The following LRRC4C variants were observed in gnomAD, a reference collection of about 807,000 sequenced individuals.
The protein encoded by LRRC4C is leucine rich repeat containing 4C.
A neutral mutation model predicts 33.6 loss-of-function variants in LRRC4C; 5 were observed. That is an observed-to-expected ratio of 0.15 (90% confidence interval 0.08 to 0.31). The LOEUF (loss-of-function observed/expected upper bound fraction) is 0.31. Ranked by LOEUF, LRRC4C falls within the 10% of genes least tolerant of loss-of-function variation. The pLI, the probability that LRRC4C is intolerant of heterozygous loss-of-function variation, is 1.00. For missense variants in LRRC4C, 560 were observed against 796.7 expected (o/e 0.70, Z 3.58); for synonymous variants, 329 against 302.0 (o/e 1.09, Z -0.93).
chr11:40,483,451 C>T (rs1478505170), intron 3 of LRRC4C, among the ~76,000 whole-genome samples: 4 of 151,886 alleles, frequency 2.6e-5, no homozygotes, highest in Non-Finnish European at 5.9e-5. Context: ...TAATGTGAGC[C>T]GTGGTTTAAA....
chr11:40,703,337 T>A (rs1945974833), intron 2 of LRRC4C, among the ~76,000 whole-genome samples: 1 of 152,120 alleles, frequency 6.6e-6, no homozygotes, highest in Non-Finnish European at 1.5e-5. Flanking sequence ...GCCGTGAAAT[T>A]TTTCCATCTA....
intron 1 of LRRC4C, among the ~76,000 whole-genome samples, chr11:41,337,387 A>G (rs116830606): frequency 0.019 from 2,924 of 151,434 alleles, 91 homozygotes; most frequent in African/African-American, 0.068. Flanking sequence ...ACTGATTAGC[A>G]TCTAAATGCT....
At chr11:40,662,730 G>T (rs1386601469) in intron 2 of LRRC4C, among the ~76,000 whole-genome samples, 1 of 152,192 alleles carries the variant, frequency 6.6e-6, no homozygotes, top group African/African-American at 2.4e-5. Flanking sequence ...TCCTAGTTCT[G>T]TCATTTAATA....
At chr11:41,362,838 A>G (rs1378059779) in intron 1 of LRRC4C, among the ~76,000 whole-genome samples, 1 of 151,852 alleles carries the variant, frequency 6.6e-6, no homozygotes, top group African/African-American at 2.4e-5. Flanking sequence ...CACAGCCAGC[A>G]GTATAAAATC....
chr11:40,197,581 C>A (rs1168530638), intron 5 of LRRC4C, among the ~76,000 whole-genome samples: 1 of 152,186 alleles, frequency 6.6e-6, no homozygotes, highest in African/African-American at 2.4e-5. Flanking sequence ...TTGAGTCACA[C>A]AAATTCATGC....
chr11:40,568,678 A>C (rs1415649446), intron 3 of LRRC4C, among the ~76,000 whole-genome samples: 1 of 152,182 alleles, frequency 6.6e-6, no homozygotes, highest in Non-Finnish European at 1.5e-5. Flanking sequence ...GCACACAGCC[A>C]GGAGAAATTA....
chr11:41,323,752 C>G (rs957957946), intron 1 of LRRC4C, among the ~76,000 whole-genome samples: 3 of 151,946 alleles, frequency 2.0e-5, no homozygotes, highest in Non-Finnish European at 4.4e-5. Context: ...TGGTGTATGA[C>G]TCAAAAGAAA....
intron 2 of LRRC4C, among the ~76,000 whole-genome samples, chr11:40,722,114 G>A (rs369979436): frequency 2.6e-5 from 4 of 152,122 alleles, no homozygotes; most frequent in African/African-American, 7.2e-5. Flanking sequence ...AATTGCTAGC[G>A]CTTCTATTTC....
At chr11:40,583,369 G>A (rs141858293) in intron 3 of LRRC4C, among the ~76,000 whole-genome samples, 2 of 152,292 alleles carry the variant, frequency 1.3e-5, no homozygotes, top group East Asian at 1.9e-4. Context: ...ATGGGCTGCA[G>A]AAGGAAGAAA....
chr11:40,163,550 GTGTATA>G (rs1438873559), intron 5 of LRRC4C, among the ~76,000 whole-genome samples: 2 of 152,104 alleles, frequency 1.3e-5, no homozygotes, highest in South Asian at 2.1e-4. Flanking sequence ...ATATATATTT[GTGTATA>G]TGTATGAGTA....
intron 3 of LRRC4C, among the ~76,000 whole-genome samples, chr11:40,616,491 CAA>C (rs1961848014): frequency 6.6e-6 from 1 of 151,600 alleles, no homozygotes; most frequent in South Asian, 2.1e-4. Flanking sequence ...TTCACAATAG[CAA>C]AGACTTGGAA....
chr11:41,128,611 T>C (rs1942861727), intron 1 of LRRC4C, among the ~76,000 whole-genome samples: 1 of 152,100 alleles, frequency 6.6e-6, no homozygotes, highest in South Asian at 2.1e-4. Context: ...GATTGTTTAA[T>C]TCATTTGCCA....
chr11:40,494,589 T>C (rs1175633362), intron 3 of LRRC4C, among the ~76,000 whole-genome samples: 2 of 152,104 alleles, frequency 1.3e-5, no homozygotes, highest in African/African-American at 4.8e-5. Context: ...CAGACTTTGT[T>C]TATACATCTA....
intron 1 of LRRC4C, among the ~76,000 whole-genome samples, chr11:41,053,790 T>A (rs1402402233): frequency 6.6e-6 from 1 of 152,206 alleles, no homozygotes; most frequent in Non-Finnish European, 1.5e-5. Flanking sequence ...TTAATATGTT[T>A]CTTTTTATGT....
At chr11:40,211,415 C>T (rs1863598294) in intron 5 of LRRC4C, among the ~76,000 whole-genome samples, 1 of 152,014 alleles carries the variant, frequency 6.6e-6, no homozygotes, top group South Asian at 2.1e-4. Flanking sequence ...TTGAATAAAA[C>T]TAAAACAAAC....
intron 1 of LRRC4C, among the ~76,000 whole-genome samples, chr11:41,248,566 C>G (rs920835261): frequency 6.6e-6 from 1 of 152,166 alleles, no homozygotes; most frequent in African/African-American, 2.4e-5. Context: ...TTGGTTGGAT[C>G]TGCCCCATTG....
chr11:40,526,044 C>T (rs1424515473), intron 3 of LRRC4C, among the ~76,000 whole-genome samples: 1 of 151,790 alleles, frequency 6.6e-6, no homozygotes, highest in East Asian at 1.9e-4. Context: ...TGAAAGAAAA[C>T]ATTCCTTGAA....
Position 41,226,158 on chromosome 11 carries a change from C to T in LRRC4C, c.-496+233273G>A, listed in dbSNP as rs538072988. Among the ~76,000 whole-genome samples, 4 of 152,192 alleles carry T rather than the reference C, an allele frequency of 2.6e-5. No individual in the cohort carries two copies. In the South Asian group the frequency reaches 6.2e-4, roughly 24 times the overall value. ...TGGAGTCTTGGTTCCTGTTTATTTC[C>T]CAAAAGCCTTGGCCAGTAACTCTTA... On this transcript the variant is annotated intron_variant, in intron 1 of 6. Coordinates refer to ENST00000528697, the MANE Select transcript of LRRC4C (RefSeq NM_001258419.2).
intron 2 of LRRC4C, among the ~76,000 whole-genome samples, chr11:40,687,313 C>A (rs1038918472): frequency 6.6e-6 from 1 of 151,868 alleles, no homozygotes; most frequent in Non-Finnish European, 1.5e-5. Context: ...CCTTCAAGTC[C>A]AAATAAAAAT....
Sources: allele counts gnomAD v4.1 joint callset (sites outside exome capture counted in the v4.1 genomes callset), GRCh38; gene constraint gnomAD v4.1.1; transcripts MANE v1.5; gene names NCBI Gene and HGNC (gene_info 2026-07-23, HGNC 2026-07-21).